The following NDUFS6 variants were observed in gnomAD, a reference collection of about 807,000 sequenced individuals.
NDUFS6 encodes NADH dehydrogenase [ubiquinone] iron-sulfur protein 6, mitochondrial.
Under a neutral mutation model 13.2 loss-of-function variants are expected in NDUFS6, and 14 were observed. The observed-to-expected ratio is 1.06, with a 90% CI of 0.70 to 1.66. The LOEUF is 1.66. NDUFS6 is among the 40% of genes most tolerant of loss of function. The pLI is 0.00. For synonymous variants in NDUFS6, 95 were observed against 72.3 expected, an observed-to-expected ratio of 1.31 and a Z score of -1.60; for missense variants, 206 against 170.8, an observed-to-expected ratio of 1.21 and a Z score of -1.15.
In NDUFS6 at chr5:1,804,465, C is replaced by G. The variant is rs1432632341; in HGVS notation, c.186+2091C>G. On this transcript the variant is annotated intron_variant, in intron 2 of 3. Coordinates refer to ENST00000274137, the MANE Select transcript of NDUFS6 (RefSeq NM_004553.6). Reference sequence around the variant, plus strand: ...TGACCGGCAGCTCACCCAGGGCGTCCTGGTTGTGACCTCAACGCTCCAGCC... The same window carrying G: ...TGACCGGCAGCTCACCCAGGGCGTCGTGGTTGTGACCTCAACGCTCCAGCC... Among the ~76,000 whole-genome samples, 22 of 152,238 alleles carry G rather than the reference C, an allele frequency of 1.4e-4. 1 individual carries two copies. Among genetic ancestry groups the G allele is most frequent in the Admixed American group, 1.4e-3 (22 of 15,286 alleles).
chr5:1,801,580 C>A, intron 1 of NDUFS6, 31 bp downstream of exon 1: 1 of 1,547,942 alleles, frequency 6.5e-7, no homozygotes, highest in Non-Finnish European at 8.7e-7. Context: ...GATGCACCTT[C>A]CTCCAGCCGC....
intron 2 of NDUFS6, among the ~76,000 whole-genome samples, chr5:1,806,560 GT>G (rs1190097395): frequency 6.6e-6 from 1 of 152,166 alleles, no homozygotes; most frequent in Non-Finnish European, 1.5e-5. Context: ...ATAATGTGAA[GT>G]TTTATCCTTC....
chr5:1,812,404 T>A (rs1341508160), intron 2 of NDUFS6, among the ~76,000 whole-genome samples: 3 of 151,316 alleles, frequency 2.0e-5, no homozygotes, highest in Non-Finnish European at 2.9e-5. Flanking sequence ...AATGAGTTTT[T>A]AAAATATGTT....
intron 2 of NDUFS6, among the ~76,000 whole-genome samples, 185 bp downstream of exon 2, chr5:1,802,559 C>G (rs1471739798): frequency 1.3e-5 from 2 of 152,164 alleles, no homozygotes; most frequent in African/African-American, 2.4e-5. Context: ...TTGTTTCCCC[C>G]TGAAATACAT....
chr5:1,801,781 T>C (rs1734047696), intron 1 of NDUFS6, among the ~76,000 whole-genome samples: 1 of 152,172 alleles, frequency 6.6e-6, no homozygotes. Flanking sequence ...GAACGGGAAG[T>C]CTCCCCAGCG....
chr5:1,814,254 A>G lies in NDUFS6; in HGVS notation c.187-85A>G, dbSNP rs549225276. ...TGCACCATAGATTCGTGCTGATGGT[A>G]CATGAATTTGTGTGTGGTGGGTTAA... On this transcript the variant is annotated intron_variant, in intron 2 of 3. Transcript: ENST00000274137. The surrounding 1 kb of genome is among the most constrained non-coding windows in gnomAD (Gnocchi z 4.9). 40 of 1,558,736 alleles carry G rather than the reference A, an allele frequency of 2.6e-5. 3 individuals carry two copies. The highest frequency in any genetic ancestry group is 2.1e-4 in the South Asian group (19 of 89,846).
In NDUFS6 at chr5:1,807,785, C is replaced by T. The variant is rs539123231; in HGVS notation, c.186+5411C>T. 9.2e-5 allele frequency among the ~76,000 whole-genome samples: 14 copies of T among 152,326 alleles called. No individual in the cohort carries two copies. In the South Asian group the frequency reaches 1.5e-3, roughly 16 times the overall value. The stretch of plus-strand genomic sequence containing the variant: ...CACCCGAACCATGTTGGCTCTCGTG[C>T]GTGCACACACACACTGTTGGTCACA... On this transcript the variant is annotated intron_variant, in intron 2 of 3. Coordinates refer to ENST00000274137, the MANE Select transcript of NDUFS6 (RefSeq NM_004553.6).
At chr5:1,815,798 A>G (rs945293095) in intron 3 of NDUFS6, 53 bp from the exon 4 acceptor site, 2 of 1,547,752 alleles carry the variant, frequency 1.3e-6, no homozygotes, top group Admixed American at 1.7e-5. Context: ...CTTAATATCT[A>G]GATTTGAAGT....
At chr5:1,809,841 C>T (rs994140125) in intron 2 of NDUFS6, among the ~76,000 whole-genome samples, 2 of 152,244 alleles carry the variant, frequency 1.3e-5, no homozygotes, top group Admixed American at 1.3e-4. Flanking sequence ...GGCGAGCCGC[C>T]GGGCCGGCAG....
chr5:1,813,835 T>G (rs1215071718), intron 2 of NDUFS6, among the ~76,000 whole-genome samples: 2 of 152,208 alleles, frequency 1.3e-5, no homozygotes, highest in African/African-American at 4.8e-5. Context: ...AAGGACATTG[T>G]TGGTCTAACG....
chr5:1,813,519 T>G (rs2111360715), intron 2 of NDUFS6, among the ~76,000 whole-genome samples: 2 of 152,208 alleles, frequency 1.3e-5, no homozygotes, highest in Middle Eastern at 6.8e-3. Context: ...CATGGATGAG[T>G]GGAAGCTTCC....
chr5:1,808,031 G>A (rs1016856871), intron 2 of NDUFS6, among the ~76,000 whole-genome samples: 6 of 152,226 alleles, frequency 3.9e-5, no homozygotes, highest in African/African-American at 1.4e-4. Flanking sequence ...CAGCCAGACA[G>A]TGGTGGCTGA....
chr5:1,805,986 G>A (rs915070420), intron 2 of NDUFS6, among the ~76,000 whole-genome samples: 18 of 151,834 alleles, frequency 1.2e-4, no homozygotes, highest in Admixed American at 1.3e-4. Flanking sequence ...AAGGCTTGGA[G>A]CAGCGCCTGT....
At chr5:1,812,563 A>G (rs1579217247) in intron 2 of NDUFS6, among the ~76,000 whole-genome samples, 1 of 55,636 alleles carries the variant, frequency 1.8e-5, no homozygotes, top group East Asian at 3.3e-4. Context: ...TGCCTTAAAA[A>G]CTTCCCTGAC....
At chr5:1,813,530 T>C (rs1734252995) in intron 2 of NDUFS6, among the ~76,000 whole-genome samples, 1 of 152,190 alleles carries the variant, frequency 6.6e-6, no homozygotes, top group African/African-American at 2.4e-5. Context: ...GGAAGCTTCC[T>C]GTCCACTTAC....
In NDUFS6 at chr5:1,801,519, G is replaced by A. The variant is rs763463147; in HGVS notation, c.102G>A (p.Pro34=). 28 of 1,596,012 alleles carry A rather than the reference G, an allele frequency of 1.8e-5. No individual in the cohort carries two copies. In the East Asian group the frequency reaches 5.4e-4, roughly 31 times the overall value. Residue 34 remains proline, a synonymous_variant, in exon 1 of 4, where the codon CCG becomes CCA. Coordinates refer to ENST00000274137, the MANE Select transcript of NDUFS6 (RefSeq NM_004553.6). ...GARCFGVRVS[P]TGEKVTHTGQ... Reference sequence around the variant, plus strand: ...GGTGTTTCGGGGTGCGGGTCTCGCCGACCGGGGAGAAGGTCACGCACACTG... The same window carrying A: ...GGTGTTTCGGGGTGCGGGTCTCGCCAACCGGGGAGAAGGTCACGCACACTG...
intron 1 of NDUFS6, chr5:1,802,000 G>A (rs560099878): frequency 2.7e-4 from 112 of 418,334 alleles, no homozygotes; most frequent in African/African-American, 2.1e-3. Flanking sequence ...GATTTAATGG[G>A]GGGATAGTAA....
chr5:1,802,417 C>G, intron 2 of NDUFS6, 43 bp downstream of exon 2: 1 of 1,503,140 alleles, frequency 6.7e-7, no homozygotes, highest in Non-Finnish European at 9.2e-7. Context: ...TTTCCTAAAA[C>G]TTTTATGTAA....
At chr5:1,803,891 C>T (rs1734085987) in intron 2 of NDUFS6, among the ~76,000 whole-genome samples, 1 of 152,216 alleles carries the variant, frequency 6.6e-6, no homozygotes, top group African/African-American at 2.4e-5. Context: ...AAAGGATTTG[C>T]AGGCCCTTTG....
Sources: allele counts gnomAD v4.1 joint callset (sites outside exome capture counted in the v4.1 genomes callset), GRCh38; gene constraint gnomAD v4.1.1; non-coding constraint Gnocchi (gnomAD v3.1); transcripts MANE v1.5; gene names NCBI Gene and HGNC (gene_info 2026-07-23, HGNC 2026-07-21).